KIF21B: variants seen among roughly 807,000 people sequenced by gnomAD.
The protein encoded by KIF21B is kinesin-like protein KIF21B.
A neutral mutation model predicts 192.9 loss-of-function variants in KIF21B; 85 were observed. The observed-to-expected ratio is 0.44, with a 90% CI of 0.37 to 0.53. KIF21B has a LOEUF of 0.53. KIF21B is among the 20% of genes least tolerant of loss of function. The pLI, the probability that KIF21B is intolerant of heterozygous loss-of-function variation, is 0.00. For synonymous variants in KIF21B, 832 were observed against 884.6 expected, an observed-to-expected ratio of 0.94 and a Z score of 1.05; for missense variants, 1,716 against 2,194.8, an observed-to-expected ratio of 0.78 and a Z score of 4.36.
chr1:201,011,483 A>T (rs528108262), intron 1 of KIF21B, among the ~76,000 whole-genome samples: 1 of 152,322 alleles, frequency 6.6e-6, no homozygotes, highest in East Asian at 1.9e-4. Flanking sequence ...CTGCCCTTTC[A>T]ATGGTCTTAT....
chr1:200,976,833 G>A lies in KIF21B; in HGVS notation c.4386C>T (p.Thr1462=). The change falls in exon 32 of 35, where the codon ACC becomes ACT. Residue 1462 remains threonine (T), a synonymous_variant. Coordinates refer to ENST00000461742, the MANE Select transcript of KIF21B (RefSeq NM_001252102.2). ...HIGPVMCLTV[T]QTASQHDLVV... is the part of the protein sequence containing the mutation. ...CGAGGTCATGCTGGCTGGCCGTCTG[G>A]GTGACCGTCAGGCACATCACAGGGC... is the stretch of plus-strand genomic sequence containing the variant. 6.2e-7 allele frequency: 1 copy of A among 1,613,802 alleles called. No individual in the cohort carries two copies. Among genetic ancestry groups the A allele is most frequent in the Non-Finnish European group, 8.5e-7 (1 of 1,179,792 alleles).
chr1:200,986,085 A>C (rs1026760117), intron 26 of KIF21B, among the ~76,000 whole-genome samples: 1 of 151,458 alleles, frequency 6.6e-6, no homozygotes, highest in African/African-American at 2.4e-5. Flanking sequence ...GAGCTCAGAC[A>C]ATCCACCTGC....
intron 1 of KIF21B, among the ~76,000 whole-genome samples, chr1:201,021,836 C>T (rs184681395): frequency 2.6e-5 from 4 of 152,216 alleles, no homozygotes; most frequent in Admixed American, 6.5e-5. Context: ...ATGGTGTTCT[C>T]GGACTCTCCC....
At chr1:201,010,888 G>C (rs552156298) in intron 1 of KIF21B, among the ~76,000 whole-genome samples, 112 of 152,324 alleles carry the variant, frequency 7.4e-4, no homozygotes, top group South Asian at 1.9e-3. Flanking sequence ...GGAGTTAAAG[G>C]GGACTGGGGA....
intron 1 of KIF21B, among the ~76,000 whole-genome samples, chr1:201,010,894 G>A (rs924616496): frequency 3.3e-5 from 5 of 152,232 alleles, no homozygotes; most frequent in Non-Finnish European, 7.3e-5. Context: ...AAAGGGGACT[G>A]GGGAGGTGGG....
chr1:201,005,810 C>T, intron 3 of KIF21B, 116 bp from the exon 4 acceptor site: 1 of 1,157,568 alleles, frequency 8.6e-7, no homozygotes, highest in South Asian at 1.4e-5. Flanking sequence ...CTGTGGGTCC[C>T]CTCTGGGTTT....
At chr1:200,986,300 C>T (rs752211117) in intron 26 of KIF21B, among the ~76,000 whole-genome samples, 45 of 152,068 alleles carry the variant, frequency 3.0e-4, no homozygotes, top group Admixed American at 1.0e-3. Context: ...AAACAGTTTC[C>T]AGCATCTGGC....
chr1:201,007,069 C>T (rs948352713), intron 3 of KIF21B, among the ~76,000 whole-genome samples: 5 of 149,218 alleles, frequency 3.4e-5, no homozygotes, highest in African/African-American at 1.2e-4. Flanking sequence ...CACACAGACA[C>T]ACACAGACAC....
Position 200,974,782 on chromosome 1 carries a change from C to G in KIF21B, c.4746G>C (p.Glu1582Asp). 6.2e-7 allele frequency: 1 copy of G among 1,614,212 alleles called. No homozygotes were observed. The highest frequency in any genetic ancestry group is 1.1e-5 in the South Asian group (1 of 91,084). ...WNVDNFTPIG[E>D]IKGHDSPINA... ...TGATGGGACTGTCGTGGCCCTTGAT[C>G]TCACCGATGGGTGTGAAGTTGTCCA... The change falls in exon 34 of 35, where the codon GAG (glutamate) becomes GAC (aspartate). Residue 1582 changes from glutamate (E) to aspartate (D), a missense_variant. This residue lies in a region of KIF21B where 580 missense variants were observed against 775.5 expected (regional missense o/e 0.75). Coordinates refer to ENST00000461742, the MANE Select transcript of KIF21B (RefSeq NM_001252102.2).
chr1:200,973,883 C>A (rs78403160), intron 34 of KIF21B: 5 of 1,462,402 alleles, frequency 3.4e-6, no homozygotes, highest in South Asian at 2.8e-5. Flanking sequence ...TCTCCTGGGG[C>A]CTGTCCCACT....
rs537492216 is a variant in KIF21B, at chr1:201,017,677, C to A, written c.41+5666G>T. On this transcript the variant is annotated intron_variant, in intron 1 of 34. Transcript: ENST00000461742. The surrounding 1 kb of genome is among the most constrained non-coding windows in gnomAD (Gnocchi z 4.1). The stretch of plus-strand genomic sequence containing the variant: ...CTGTGGAGGGCAGCAAGCCTCTCCC[C>A]ACCACACCGGCCCTGGCCCCCTGCC... Among the ~76,000 whole-genome samples, 2 of 152,216 alleles carry A rather than the reference C, an allele frequency of 1.3e-5. No individual in the cohort carries two copies. Among genetic ancestry groups the A allele is most frequent in the Non-Finnish European group, 2.9e-5 (2 of 68,024 alleles).
intron 15 of KIF21B, among the ~76,000 whole-genome samples, chr1:200,993,995 G>A (rs1481714934): frequency 6.6e-6 from 1 of 152,138 alleles, no homozygotes; most frequent in Admixed American, 6.5e-5. Flanking sequence ...AAGTGGACCT[G>A]AAAACTCCAG....
chr1:201,005,164 G>C (rs942905304), intron 5 of KIF21B, 144 bp downstream of exon 5: 18 of 1,245,042 alleles, frequency 1.4e-5, no homozygotes, highest in Admixed American at 5.1e-5. Flanking sequence ...GGGCAACAAG[G>C]CTCAAGAAAA....
chr1:200,988,545 C>G lies in KIF21B; in HGVS notation c.3299-1G>C. ...TCATCTGTGCTGGCGTAGCCATTCT[C>G]TGTGGGAGGGCGGGAGGGAGGGAAA... On this transcript the variant is annotated splice_acceptor_variant, in intron 22 of 34. Transcript: ENST00000461742. LOFTEE classifies it high-confidence loss of function. The G allele has an allele frequency of 1.4e-6, 1 of 714,950 alleles. No homozygotes were observed. The highest frequency in any genetic ancestry group is 2.3e-6 in the Non-Finnish European group (1 of 435,314). The allele number at this position is 714,950 out of a possible 1,614,324, so 44.3% of individuals were successfully genotyped here.
chr1:200,987,414 A>T (rs57925625), intron 24 of KIF21B, among the ~76,000 whole-genome samples: 12 of 151,518 alleles, frequency 7.9e-5, no homozygotes, highest in South Asian at 4.2e-4. Flanking sequence ...ATAATTAAAA[A>T]TTTTTTTTCT....
In KIF21B at chr1:200,994,224, G is replaced by A. The variant is rs60643409; in HGVS notation, c.2278-1835C>T. Among the ~76,000 whole-genome samples the A allele has an allele frequency of 2.2e-3, 334 of 152,320 alleles. 1 individual carries two copies. Among genetic ancestry groups the A allele is most frequent in the African/African-American group, 7.3e-3 (304 of 41,560 alleles). ...CAAGCGGAAACATGCCACGGTACCC[G>A]AGACCAGCATCACTTCGCAGGTTTA... On this transcript the variant is annotated intron_variant, in intron 15 of 34. Transcript: ENST00000461742.
In KIF21B at chr1:200,999,616, G is replaced by T; in HGVS notation, c.1768-150C>A. On this transcript the variant is annotated intron_variant, in intron 12 of 34. Transcript: ENST00000461742. This position sits in a 1 kb window ranked among gnomAD's most constrained non-coding sequence, Gnocchi z 4.7. ...GCCCCCCTGCCCACCCCCTACTCCTGGAAGAGTGCCGCCTCCCCCAACACC... is the reference window on the plus strand; with the variant it reads ...GCCCCCCTGCCCACCCCCTACTCCTTGAAGAGTGCCGCCTCCCCCAACACC... 7.1e-7 allele frequency: 1 copy of T among 1,400,994 alleles called. No individual in the cohort carries two copies. Among genetic ancestry groups the T allele is most frequent in the Non-Finnish European group, 9.6e-7 (1 of 1,039,568 alleles). The allele number at this position is 1,400,994 out of a possible 1,614,324, so 86.8% of individuals were successfully genotyped here.
chr1:201,008,087 C>G (rs969576992), intron 3 of KIF21B, among the ~76,000 whole-genome samples: 8 of 152,152 alleles, frequency 5.3e-5, no homozygotes, highest in African/African-American at 1.9e-4. Context: ...AGAAGGCAAC[C>G]TGGACACAAT....
rs540305695 is a variant in KIF21B, at chr1:201,006,307, T to A, written c.448-613A>T. Among the ~76,000 whole-genome samples, 4 of 152,288 alleles carry A rather than the reference T, an allele frequency of 2.6e-5. No individual in the cohort carries two copies. The South Asian group carries it at 6.2e-4, about 24-fold the overall frequency. On this transcript the variant is annotated intron_variant, in intron 3 of 34. Transcript: ENST00000461742. ...GGCCTGGCCAGGAGCAGTCACCCCA[T>A]TTCAGGTGGTCTCAGCCAAGGAGAT...
Sources: allele counts gnomAD v4.1 joint callset (sites outside exome capture counted in the v4.1 genomes callset), GRCh38; gene constraint gnomAD v4.1.1; regional missense constraint gnomAD v4.1.1; non-coding constraint Gnocchi (gnomAD v3.1); transcripts MANE v1.5; gene names NCBI Gene and HGNC (gene_info 2026-07-23, HGNC 2026-07-21).